ACER3: variants seen among roughly 807,000 people sequenced by gnomAD.
The protein encoded by ACER3 is alkaline ceramidase 3, also known as alkCDase 3.
In ACER3, 16 loss-of-function variants were observed where a neutral mutation model predicts 48.9. That is an observed-to-expected ratio of 0.33 (90% confidence interval 0.22 to 0.50). The LOEUF (loss-of-function observed/expected upper bound fraction) is 0.50, where lower values mean the gene tolerates loss of function less well. ACER3 is among the 20% of genes least tolerant of loss of function. The pLI is 0.98. For missense variants in ACER3, 227 were observed against 326.0 expected (o/e 0.70, Z 2.34); for synonymous variants, 109 against 107.8 (o/e 1.01, Z -0.07).
intron 1 of ACER3, among the ~76,000 whole-genome samples, chr11:76,894,977 AGGTATTTTATGTTGCAGT>A (rs1945893679): frequency 6.6e-6 from 1 of 152,142 alleles, no homozygotes; most frequent in African/African-American, 2.4e-5. Flanking sequence ...ATTCCCAATG[AGGTATTTTATGTTGCAGT>A]GGTCATGGAG....
intron 6 of ACER3, among the ~76,000 whole-genome samples, chr11:76,993,158 G>A (rs905675135): frequency 5.3e-5 from 8 of 152,160 alleles, no homozygotes; most frequent in Non-Finnish European, 1.0e-4. Flanking sequence ...TTACAGGTGT[G>A]AGCCACTGTG....
At chr11:77,011,960 C>T (rs1182144143) in intron 7 of ACER3, among the ~76,000 whole-genome samples, 2 of 151,996 alleles carry the variant, frequency 1.3e-5, no homozygotes, top group African/African-American at 4.8e-5. Context: ...GCATATAAAA[C>T]ACCTAGTCAT....
intron 2 of ACER3, among the ~76,000 whole-genome samples, chr11:76,936,806 C>T (rs566556721): frequency 1.3e-5 from 2 of 151,950 alleles, no homozygotes; most frequent in Non-Finnish European, 2.9e-5. Context: ...CACCCTCCCC[C>T]ACCTGGGTTC....
intron 2 of ACER3, among the ~76,000 whole-genome samples, chr11:76,941,596 T>C (rs1230862161): frequency 6.6e-6 from 1 of 152,134 alleles, no homozygotes; most frequent in Non-Finnish European, 1.5e-5. Context: ...GCCTCAGCCT[T>C]GTTCTTTTCT....
In ACER3 at chr11:77,022,189, T is replaced by C. The variant is rs1379461698; in HGVS notation, c.*1862T>C. The C allele has an allele frequency of 6.6e-6, 1 of 152,230 alleles. No individual in the cohort carries two copies. Among genetic ancestry groups the C allele is most frequent in the Non-Finnish European group, 1.5e-5 (1 of 68,046 alleles). 9.4% of individuals were successfully genotyped at this position (152,230 alleles called of 1,614,324 possible). A position where few individuals can be genotyped will look rare whatever the true frequency, so the allele number is the denominator to read the frequency against. The stretch of plus-strand genomic sequence containing the variant: ...ATATATACAGTGTAGGATAAAGGCA[T>C]ATCGTACATGGCAATGCTGTTAAAC... On this transcript the variant is annotated 3_prime_UTR_variant, in exon 11 of 11. Coordinates refer to ENST00000532485, the MANE Select transcript of ACER3 (RefSeq NM_018367.7).
At position 77,011,138 on chromosome 11, in the gene ACER3, G is replaced by A. The variant is rs1174225583; in HGVS notation, c.498-3878G>A. ...GTATGCTAGACAGGCAGGCAGTCCA[G>A]AATAAAGCAGTGTGATAGAGAGAGA... is the stretch of plus-strand genomic sequence containing the variant. On this transcript the variant is annotated intron_variant, in intron 7 of 10. Transcript: ENST00000532485. Among the ~76,000 whole-genome samples, 3 of 152,310 alleles carry A rather than the reference G, an allele frequency of 2.0e-5. No homozygotes were observed. In the East Asian group the frequency reaches 5.8e-4, roughly 29 times the overall value.
intron 2 of ACER3, chr11:76,955,503 A>G: frequency 6.5e-6 from 1 of 152,814 alleles, no homozygotes; most frequent in Non-Finnish European, 1.5e-5. Flanking sequence ...CTGGTGAGGA[A>G]CCAAAACCAA....
At chr11:77,018,089 G>A (rs906684053) in intron 9 of ACER3, among the ~76,000 whole-genome samples, 62 of 151,574 alleles carry the variant, frequency 4.1e-4, no homozygotes, top group African/African-American at 1.4e-3. Context: ...CAGGCAATGC[G>A]CCACCCTGCC....
At chr11:76,907,610 C>G (rs1946267360) in intron 1 of ACER3, among the ~76,000 whole-genome samples, 1 of 152,116 alleles carries the variant, frequency 6.6e-6, no homozygotes, top group African/African-American at 2.4e-5. Context: ...GTGGCTCACA[C>G]CTGTAATCCC....
intron 7 of ACER3, among the ~76,000 whole-genome samples, chr11:77,002,953 G>T (rs1434315878): frequency 6.6e-6 from 1 of 152,076 alleles, no homozygotes; most frequent in African/African-American, 2.4e-5. Context: ...AGGATGAGGG[G>T]GTTCCCTGGG....
intron 2 of ACER3, among the ~76,000 whole-genome samples, chr11:76,950,411 A>AT (rs1277575730): frequency 0.065 from 1,481 of 22,732 alleles, 566 homozygotes; most frequent in Non-Finnish European, 0.18. Context: ...ATATATATAT[A>AT]ATTTACACAT....
Position 76,934,061 on chromosome 11 carries a change from A to G in ACER3, c.214+7394A>G, listed in dbSNP as rs28382295. ...CATCTCAGACAATGGGCGGCCGGGC[A>G]GAGACGCTCCTCACTTCCTAGATGG... is the stretch of plus-strand genomic sequence containing the variant. On this transcript the variant is annotated intron_variant, in intron 2 of 10. Coordinates refer to ENST00000532485, the MANE Select transcript of ACER3 (RefSeq NM_018367.7). Among the ~76,000 whole-genome samples, 224 of 151,296 alleles carry G rather than the reference A, an allele frequency of 1.5e-3. 3 individuals are homozygous for G. The highest frequency in any genetic ancestry group is 5.2e-3 in the African/African-American group (213 of 41,056).
chr11:76,944,983 G>A (rs1397195431), intron 2 of ACER3, among the ~76,000 whole-genome samples: 1 of 147,096 alleles, frequency 6.8e-6, no homozygotes, highest in Non-Finnish European at 1.5e-5. Flanking sequence ...TCTTCTGCTT[G>A]GTCTAGTCTA....
chr11:77,018,532 A>G (rs1949415453), intron 9 of ACER3, among the ~76,000 whole-genome samples: 1 of 152,262 alleles, frequency 6.6e-6, no homozygotes, highest in Non-Finnish European at 1.5e-5. Flanking sequence ...TGAGGAACGT[A>G]TGTTGAAAGC....
At chr11:76,872,834 T>C (rs1302371133) in intron 1 of ACER3, among the ~76,000 whole-genome samples, 1 of 152,062 alleles carries the variant, frequency 6.6e-6, no homozygotes, top group Non-Finnish European at 1.5e-5. Context: ...TCTGGTTTAG[T>C]AGATATGGAA....
intron 4 of ACER3, among the ~76,000 whole-genome samples, chr11:76,977,848 C>T (rs1318443945): frequency 6.6e-6 from 1 of 152,202 alleles, no homozygotes; most frequent in African/African-American, 2.4e-5. Flanking sequence ...ACCCCTTGCC[C>T]CTGCAGGCTT....
At chr11:76,981,459 ACC>A (rs1948581275) in intron 4 of ACER3, among the ~76,000 whole-genome samples, 1 of 152,186 alleles carries the variant, frequency 6.6e-6, no homozygotes, top group Non-Finnish European at 1.5e-5. Flanking sequence ...ACTCCTATTT[ACC>A]CATTACCCTT....
chr11:76,903,189 TCCAC>T (rs1424096188), intron 1 of ACER3, among the ~76,000 whole-genome samples: 1 of 152,188 alleles, frequency 6.6e-6, no homozygotes, highest in East Asian at 1.9e-4. Context: ...TTGAAAAAAA[TCCAC>T]ATAGAAGTAT....
intron 5 of ACER3, among the ~76,000 whole-genome samples, chr11:76,989,967 TAAGAAAGC>T (rs1948764899): frequency 6.6e-6 from 1 of 152,210 alleles, no homozygotes; most frequent in Non-Finnish European, 1.5e-5. Flanking sequence ...TCTGGAAGCA[TAAGAAAGC>T]ATAAGAAATT....
Sources: allele counts gnomAD v4.1 joint callset (sites outside exome capture counted in the v4.1 genomes callset), GRCh38; gene constraint gnomAD v4.1.1; transcripts MANE v1.5; gene names NCBI Gene and HGNC (gene_info 2026-07-23, HGNC 2026-07-21).